Variants in C12orf42 observed in about 807,000 individuals in gnomAD.
C12orf42 encodes the protein uncharacterized protein C12orf42.
C12orf42 carries 25 observed loss-of-function variants against 21.6 expected under a neutral mutation model. The observed-to-expected ratio is 1.16, with a 90% confidence interval of 0.84 to 1.62. The LOEUF is 1.62. C12orf42 is among the 40% of genes most tolerant of loss of function. The pLI, the probability that C12orf42 is intolerant of heterozygous loss-of-function variation, is 0.00. For missense variants in C12orf42, 483 were observed against 459.3 expected, an observed-to-expected ratio of 1.05 and a Z score of -0.47; for synonymous variants, 174 against 175.0, an observed-to-expected ratio of 0.99 and a Z score of 0.05.
chr12:103,089,238 G>T, the C12orf42 span, among the ~76,000 whole-genome samples: 2 of 151,704 alleles, frequency 1.3e-5, no homozygotes, highest in Non-Finnish European at 2.9e-5. Flanking sequence ...CCTCATGAGA[G>T]ACCCTGAGTC....
At chr12:103,258,805 T>C (rs575258890) in intron 10 of C12orf42, among the ~76,000 whole-genome samples, 1 of 151,934 alleles carries the variant, frequency 6.6e-6, no homozygotes, top group African/African-American at 2.4e-5. Context: ...GAAGAAAAAA[T>C]CAAAATACAC....
chr12:103,480,718 C>T (rs1954405250), intron 1 of C12orf42, among the ~76,000 whole-genome samples: 1 of 151,396 alleles, frequency 6.6e-6, no homozygotes, highest in African/African-American at 2.4e-5. Flanking sequence ...TATCTTTTTG[C>T]TATTAATTTT....
intron 10 of C12orf42, among the ~76,000 whole-genome samples, chr12:103,262,955 A>G (rs2034973342): frequency 6.6e-6 from 1 of 152,228 alleles, no homozygotes; most frequent in South Asian, 2.1e-4. Flanking sequence ...CATATACACC[A>G]TGGAATACTA....
chr12:103,284,790 T>G (rs1209181963), intron 4 of C12orf42, among the ~76,000 whole-genome samples: 1 of 152,164 alleles, frequency 6.6e-6, no homozygotes, highest in Non-Finnish European at 1.5e-5. Flanking sequence ...CTTTCGTGGG[T>G]CCTAAATCCT....
intron 3 of C12orf42, among the ~76,000 whole-genome samples, chr12:103,392,060 CACA>C (rs758021687): frequency 7.2e-5 from 11 of 152,106 alleles, no homozygotes; most frequent in Non-Finnish European, 1.6e-4. Context: ...CTAGTTTTCC[CACA>C]ACAATTTGTT....
At chr12:103,130,655 G>T in the C12orf42 span, among the ~76,000 whole-genome samples, 1 of 152,118 alleles carries the variant, frequency 6.6e-6, no homozygotes, top group Non-Finnish European at 1.5e-5. Flanking sequence ...AAGCAAGAGT[G>T]AAGCTTGGTG....
intron 2 of C12orf42, among the ~76,000 whole-genome samples, chr12:103,457,951 A>G (rs1368980072): frequency 6.6e-6 from 1 of 152,320 alleles, no homozygotes; most frequent in Non-Finnish European, 1.5e-5. Flanking sequence ...GTAACTGAGA[A>G]GGAGAGGAGA....
At chr12:103,081,666 C>G in the C12orf42 span, 1 of 152,134 alleles carries the variant, frequency 6.6e-6, no homozygotes, top group Non-Finnish European at 1.5e-5. Context: ...TTTTTTCTCT[C>G]TATTCCGAAG....
At chr12:103,088,980 T>C in the C12orf42 span, among the ~76,000 whole-genome samples, 1 of 151,584 alleles carries the variant, frequency 6.6e-6, no homozygotes, top group African/African-American at 2.4e-5. Context: ...GTGGCGCCTG[T>C]AGTCCCAGCT....
chr12:103,176,016 G>A, the C12orf42 span, among the ~76,000 whole-genome samples: 2 of 151,898 alleles, frequency 1.3e-5, no homozygotes, highest in African/African-American at 4.8e-5. Context: ...TGCTCCATAT[G>A]CCAGAGCCCT....
intron 3 of C12orf42, among the ~76,000 whole-genome samples, chr12:103,386,882 C>T (rs774798605): frequency 8.5e-5 from 13 of 152,238 alleles, no homozygotes; most frequent in Admixed American, 2.6e-4. Flanking sequence ...AATCCCTAAC[C>T]GCTAGCTCTT....
At chr12:103,113,830 T>C in the C12orf42 span, among the ~76,000 whole-genome samples, 2,238 of 152,356 alleles carry the variant, frequency 0.015, 30 homozygotes, top group Non-Finnish European at 0.022. Context: ...CTCAGATACA[T>C]GGTTTTGTGA....
At chr12:103,275,024 T>C (rs1490744836) in intron 5 of C12orf42, among the ~76,000 whole-genome samples, 1 of 152,194 alleles carries the variant, frequency 6.6e-6, no homozygotes, top group East Asian at 1.9e-4. Context: ...ATGACTCTTT[T>C]TTTTCCACCA....
chr12:103,185,162 G>A, the C12orf42 span, among the ~76,000 whole-genome samples: 8 of 152,124 alleles, frequency 5.3e-5, no homozygotes, highest in African/African-American at 1.9e-4. Context: ...ATTCATAAGA[G>A]GTTTTCTATT....
intron 4 of C12orf42, among the ~76,000 whole-genome samples, chr12:103,324,432 G>C (rs1277911938): frequency 6.6e-6 from 1 of 152,068 alleles, no homozygotes; most frequent in Non-Finnish European, 1.5e-5. Flanking sequence ...TTAGACAAAG[G>C]AAGCATTCTT....
the C12orf42 span, among the ~76,000 whole-genome samples, chr12:103,184,670 A>C: frequency 6.6e-6 from 1 of 151,178 alleles, no homozygotes; most frequent in Non-Finnish European, 1.5e-5. Flanking sequence ...ACATGGGGGC[A>C]GATGATTACA....
intron 4 of C12orf42, among the ~76,000 whole-genome samples, chr12:103,296,872 C>G (rs969900835): frequency 6.6e-6 from 1 of 152,160 alleles, no homozygotes; most frequent in African/African-American, 2.4e-5. Context: ...AATTAGATCC[C>G]ATTTGTCAAT....
At chr12:103,279,097 T>C (rs946640207) in intron 4 of C12orf42, among the ~76,000 whole-genome samples, 6 of 152,264 alleles carry the variant, frequency 3.9e-5, no homozygotes, top group African/African-American at 9.6e-5. Context: ...TCAGTAGGTA[T>C]AAAGTTTTGA....
chr12:103,073,879 T>C, the C12orf42 span, among the ~76,000 whole-genome samples: 2 of 152,150 alleles, frequency 1.3e-5, no homozygotes, highest in Non-Finnish European at 2.9e-5. Context: ...TCCTTACTCA[T>C]GCCTATTTTA....
Sources: allele counts gnomAD v4.1 joint callset (sites outside exome capture counted in the v4.1 genomes callset), GRCh38; gene constraint gnomAD v4.1.1; transcripts MANE v1.5; gene names NCBI Gene and HGNC (gene_info 2026-07-23, HGNC 2026-07-21).